The following ARAP2 variants were observed in gnomAD, a reference collection of about 807,000 sequenced individuals.
The protein encoded by ARAP2 is ArfGAP with RhoGAP domain, ankyrin repeat and PH domain 2.
A neutral mutation model predicts 194.5 loss-of-function variants in ARAP2; 148 were observed. The observed-to-expected ratio is 0.76, with a 90% CI of 0.67 to 0.87. The LOEUF (loss-of-function observed/expected upper bound fraction) is 0.87. ARAP2 is among the 40% of genes least tolerant of loss of function. The pLI is 0.00. For synonymous variants in ARAP2, 695 were observed against 683.5 expected (o/e 1.02, Z -0.26); for missense variants, 2,128 against 1,989.7 (o/e 1.07, Z -1.32).
At chr4:36,087,081 T>C (rs996728801) in intron 28 of ARAP2, among the ~76,000 whole-genome samples, 3 of 152,094 alleles carry the variant, frequency 2.0e-5, no homozygotes, top group African/African-American at 7.2e-5. Flanking sequence ...CATGCATATA[T>C]TAATGGCAAC....
At chr4:36,212,680 T>TC (rs55722415) in intron 4 of ARAP2, among the ~76,000 whole-genome samples, 193 bp from the exon 5 acceptor site, 3 of 151,636 alleles carry the variant, frequency 2.0e-5, no homozygotes, top group East Asian at 3.9e-4. Flanking sequence ...GATTTTTTTT[T>TC]CACTATTTTA....
At chr4:36,179,911 G>T (rs1738833026) in intron 8 of ARAP2, among the ~76,000 whole-genome samples, 1 of 152,288 alleles carries the variant, frequency 6.6e-6, no homozygotes, top group East Asian at 1.9e-4. Flanking sequence ...AATCACCAAA[G>T]TCAAAATGTT....
At chr4:36,008,468 C>G (rs1210925371) in intron 9 of ARAP2, among the ~76,000 whole-genome samples, 1 of 151,992 alleles carries the variant, frequency 6.6e-6, no homozygotes, top group Non-Finnish European at 1.5e-5. Context: ...GTAAATGCTC[C>G]TGGGATAGCT....
intron 27 of ARAP2, among the ~76,000 whole-genome samples, chr4:36,092,996 A>T (rs773871558): frequency 5.9e-5 from 9 of 152,178 alleles, no homozygotes; most frequent in Non-Finnish European, 1.3e-4. Context: ...AAAATACGGT[A>T]CATTTACATC....
At position 36,123,551 on chromosome 4, in the gene ARAP2, C is replaced by T. The variant is rs561280429; in HGVS notation, c.3746+1311G>A. ...CTTTTCTTCCTTTACTTCTCTGCTC[C>T]GAGGTGTTAACATTTCCAAGTGTTC... is the stretch of plus-strand genomic sequence containing the variant. On this transcript the variant is annotated intron_variant, in intron 22 of 32. Coordinates refer to ENST00000303965, the MANE Select transcript of ARAP2 (RefSeq NM_015230.4). Among the ~76,000 whole-genome samples, 144 of 151,688 alleles carry T rather than the reference C, an allele frequency of 9.5e-4. 1 individual carries two copies. Among genetic ancestry groups the T allele is most frequent in the Non-Finnish European group, 1.4e-3 (95 of 67,736 alleles).
chr4:36,129,256 T>C (rs575345015), intron 20 of ARAP2, among the ~76,000 whole-genome samples: 20 of 152,042 alleles, frequency 1.3e-4, no homozygotes, highest in African/African-American at 4.8e-4. Context: ...GAGCAGTGGT[T>C]AGGAGGAAGA....
At chr4:36,073,971 G>C in intron 31 of ARAP2, 148 bp from the exon 32 acceptor site, 1 of 1,015,778 alleles carries the variant, frequency 9.8e-7, no homozygotes, top group Non-Finnish European at 1.4e-6. Context: ...TGTTGACTCT[G>C]GTGGCAGCAT....
rs1730775620 is a variant in ARAP2 at position 36,150,760 on chromosome 4, C to T, written c.2897+140G>A. Reference sequence around the variant, plus strand: ...TTCCCAAAAGAAATTTCAGAAGGCGCAAGATAAGTAAGCTTCAAAAACCAT... The same window carrying T: ...TTCCCAAAAGAAATTTCAGAAGGCGTAAGATAAGTAAGCTTCAAAAACCAT... On this transcript the variant is annotated intron_variant, in intron 16 of 32. Transcript: ENST00000303965. 4.5e-6 allele frequency: 4 copies of T among 891,202 alleles called. No homozygotes were observed. The South Asian group carries it at 7.1e-5, about 16-fold the overall frequency. The allele number at this position is 891,202 out of a possible 1,614,324, so 55.2% of individuals were successfully genotyped here. A position where few individuals can be genotyped will look rare whatever the true frequency, so the allele number is the denominator to read the frequency against.
At chr4:36,183,759 T>C in intron 8 of ARAP2, among the ~76,000 whole-genome samples, 1 of 152,316 alleles carries the variant, frequency 6.6e-6, no homozygotes, top group South Asian at 2.1e-4. Context: ...AGAAGAACAA[T>C]GTTTCATTAG....
Position 36,055,710 on chromosome 4 carries a change from T to C in ARAP2, n.321+2260A>G, listed in dbSNP as rs561958401. On this transcript the variant is annotated intron_variant and non_coding_transcript_variant, in intron 2 of 12. Transcript: ENST00000503225. ...TCCCAAGGAGCTGGGATTACAGGCA[T>C]GTACCACCATGACAAGCTAATTTTT... Among the ~76,000 whole-genome samples, 3 of 150,320 alleles carry C rather than the reference T, an allele frequency of 2.0e-5. No individual in the cohort carries two copies. In the South Asian group the frequency reaches 6.2e-4, roughly 31 times the overall value.
chr4:36,098,322 C>T (rs1431638442), intron 27 of ARAP2, among the ~76,000 whole-genome samples: 2 of 152,046 alleles, frequency 1.3e-5, no homozygotes, highest in Non-Finnish European at 2.9e-5. Context: ...CCACTTCATT[C>T]CCATTGTTAT....
rs772095720 is a variant in ARAP2, at chr4:36,073,735, G to C, written c.4697C>G (p.Pro1566Arg). ...GGTTGCATTCCCCTCATGCTGTATAGGAATCAGAGGCAAACCTCCAATTTT... is the reference window on the plus strand; with the variant it reads ...GGTTGCATTCCCCTCATGCTGTATACGAATCAGAGGCAAACCTCCAATTTT... ...NPKIGGLPLIPIQHEGNATLA... is the reference protein window; with the variant it reads ...NPKIGGLPLIRIQHEGNATLA... The change falls in exon 32 of 33, where the codon CCT (proline) becomes CGT (arginine). Residue 1566 changes from proline (P) to arginine (R), a missense_variant. By Grantham distance (103) the Pro-to-Arg change is moderately radical. Transcript: ENST00000303965. 1 of 1,613,224 alleles carries C rather than the reference G, an allele frequency of 6.2e-7. No individual in the cohort carries two copies. The highest frequency in any genetic ancestry group is 1.7e-5 in the Admixed American group (1 of 59,956).
Position 36,229,489 on chromosome 4 carries a change from T to A in ARAP2, c.-3A>T, listed in dbSNP as rs137867207. 2 of 1,596,748 alleles carry A rather than the reference T, an allele frequency of 1.3e-6. No homozygotes were observed. Among genetic ancestry groups the A allele is most frequent in the Non-Finnish European group, 1.7e-6 (2 of 1,170,040 alleles). On this transcript the variant is annotated 5_prime_UTR_variant, in exon 2 of 33. Coordinates refer to ENST00000303965, the MANE Select transcript of ARAP2 (RefSeq NM_015230.4). ...TTTACTTCACTGACTGAGGACATAA[T>A]GGTGGCTTCATTACTAAGCTGAGTT...
At chr4:36,048,982 C>G (rs1333519917) in intron 3 of ARAP2, among the ~76,000 whole-genome samples, 1 of 152,020 alleles carries the variant, frequency 6.6e-6, no homozygotes, top group Non-Finnish European at 1.5e-5. Flanking sequence ...ATGTCTGTCT[C>G]TAACCGGTAC....
intron 28 of ARAP2, 48 bp downstream of exon 28, chr4:36,091,833 T>C: frequency 1.3e-6 from 2 of 1,529,662 alleles, no homozygotes; most frequent in Non-Finnish European, 8.8e-7. Flanking sequence ...AAAATACAAA[T>C]GTTAATACCC....
intron 5 of ARAP2, among the ~76,000 whole-genome samples, chr4:36,019,695 G>C (rs775168016): frequency 1.3e-5 from 2 of 152,062 alleles, no homozygotes; most frequent in Admixed American, 6.6e-5. Flanking sequence ...CAATACAAAA[G>C]GTATGAGATG....
At position 36,177,920 on chromosome 4, in the gene ARAP2, AG is replaced by A. The variant is rs1477765351; in HGVS notation, c.1763del (p.Pro588LeufsTer9). 2 of 1,613,718 alleles carry A rather than the reference AG, an allele frequency of 1.2e-6. No homozygotes were observed. Among genetic ancestry groups the A allele is most frequent in the Non-Finnish European group, 1.7e-6 (2 of 1,179,742 alleles). On this transcript the variant is annotated frameshift_variant, in exon 9 of 33. Coordinates refer to ENST00000303965, the MANE Select transcript of ARAP2 (RefSeq NM_015230.4). LOFTEE classifies it high-confidence loss of function. ...LTSQSQAVVT[P>X]EKCGYLELRG... is the part of the protein sequence containing the mutation. ...TCAATTCAAGATATCCACATTTCTCAGGTGTAACAACAGCTTGAGACTGCGA... is the reference window on the plus strand; with the variant it reads ...TCAATTCAAGATATCCACATTTCTCAGTGTAACAACAGCTTGAGACTGCGA...
At chr4:36,059,421 C>T (rs183418512) in intron 1 of ARAP2, among the ~76,000 whole-genome samples, 1 of 152,226 alleles carries the variant, frequency 6.6e-6, no homozygotes, top group Admixed American at 6.5e-5. Context: ...GGTTTGAATG[C>T]CAGCTTTGCC....
chr4:36,028,101 T>C (rs1305472841), intron 5 of ARAP2, among the ~76,000 whole-genome samples: 1 of 152,230 alleles, frequency 6.6e-6, no homozygotes, highest in Non-Finnish European at 1.5e-5. Context: ...ATGTTTTGAA[T>C]GTGGTACAGA....
Sources: gnomAD v4.1 joint callset for allele counts (sites outside exome capture counted in the v4.1 genomes callset) on GRCh38, gnomAD v4.1.1 for gene constraint, MANE v1.5 for transcripts, NCBI Gene and HGNC (gene_info 2026-07-23, HGNC 2026-07-21) for gene names.